Variants in MMP16 observed in about 807,000 individuals in gnomAD.
MMP16 encodes matrix metallopeptidase 16, also known as matrix metalloproteinase-16.
A neutral mutation model predicts 67.8 loss-of-function variants in MMP16; 12 were observed. That is an observed-to-expected ratio of 0.18 (90% CI 0.11 to 0.29). MMP16 has a LOEUF of 0.29. Ranked by LOEUF, MMP16 falls within the 10% of genes least tolerant of loss-of-function variation. The pLI is 1.00. For missense variants in MMP16, 475 were observed against 765.7 expected (o/e 0.62, Z 4.48); for synonymous variants, 249 against 255.9 (o/e 0.97, Z 0.26).
chr8:88,203,094 A>G (rs922123701), intron 1 of MMP16, among the ~76,000 whole-genome samples: 4 of 139,922 alleles, frequency 2.9e-5, no homozygotes, highest in Non-Finnish European at 6.0e-5. Context: ...GGTACAAAAT[A>G]CCAGAACTTC....
At chr8:88,148,810 G>A (rs1222047691) in intron 4 of MMP16, among the ~76,000 whole-genome samples, 5 of 152,104 alleles carry the variant, frequency 3.3e-5, no homozygotes, top group Non-Finnish European at 7.4e-5. Context: ...ATCTCTACAT[G>A]TTACTTGTTA....
intron 1 of MMP16, among the ~76,000 whole-genome samples, chr8:88,262,748 A>G (rs1810405979): frequency 6.7e-6 from 1 of 149,240 alleles, no homozygotes; most frequent in Non-Finnish European, 1.5e-5. Flanking sequence ...CAAGCCTGTA[A>G]TCCCAGCACT....
intron 4 of MMP16, among the ~76,000 whole-genome samples, chr8:88,155,352 C>T (rs1284353930): frequency 2.6e-5 from 4 of 151,916 alleles, no homozygotes; most frequent in Admixed American, 1.3e-4. Context: ...GTAAAAACAA[C>T]AGTTTTATTT....
intron 4 of MMP16, among the ~76,000 whole-genome samples, chr8:88,138,386 G>A (rs1050986738): frequency 4.0e-5 from 6 of 151,804 alleles, no homozygotes; most frequent in African/African-American, 9.7e-5. Context: ...TCTAATTTTC[G>A]TAGCCTCACA....
At chr8:88,199,278 A>C (rs1005245777) in intron 1 of MMP16, among the ~76,000 whole-genome samples, 16 of 152,100 alleles carry the variant, frequency 1.1e-4, no homozygotes, top group Admixed American at 4.6e-4. Flanking sequence ...CAGAATAAAA[A>C]ATACATATTT....
At chr8:88,207,836 G>A (rs1375735287) in intron 1 of MMP16, among the ~76,000 whole-genome samples, 1 of 152,126 alleles carries the variant, frequency 6.6e-6, no homozygotes, top group Admixed American at 6.5e-5. Flanking sequence ...TGTGGGTGCA[G>A]GATTACTCTA....
intron 1 of MMP16, among the ~76,000 whole-genome samples, chr8:88,322,665 T>C (rs1336415957): frequency 1.3e-5 from 2 of 150,064 alleles, no homozygotes; most frequent in Admixed American, 6.6e-5. Context: ...CTTGTCTCAA[T>C]GAAAATTAAA....
intron 3 of MMP16, among the ~76,000 whole-genome samples, chr8:88,185,815 A>G (rs1809063835): frequency 6.6e-6 from 1 of 152,116 alleles, no homozygotes; most frequent in Non-Finnish European, 1.5e-5. Flanking sequence ...TATAACAAGC[A>G]TTGTATTTAT....
rs958574617 is a variant in MMP16, at chr8:88,213,095, C to T, written c.133-15789G>A. On this transcript the variant is annotated intron_variant, in intron 1 of 9. Coordinates refer to ENST00000286614, the MANE Select transcript of MMP16 (RefSeq NM_005941.5). The stretch of plus-strand genomic sequence containing the variant: ...TATCTGACAAAATTTTAAAAGATGG[C>T]CTAAAACAATGCATGCTAAATGGAT... Among the ~76,000 whole-genome samples, 4 of 152,016 alleles carry T rather than the reference C, an allele frequency of 2.6e-5. No homozygotes were observed. The South Asian group carries it at 8.3e-4, about 32-fold the overall frequency.
chr8:88,288,109 T>G (rs1810862626), intron 1 of MMP16, among the ~76,000 whole-genome samples: 1 of 152,218 alleles, frequency 6.6e-6, no homozygotes, highest in South Asian at 2.1e-4. Flanking sequence ...CTCATTTACT[T>G]TAGACTCACA....
chr8:88,066,607 A>C (rs1207453218), intron 7 of MMP16, among the ~76,000 whole-genome samples: 1 of 151,928 alleles, frequency 6.6e-6, no homozygotes, highest in Non-Finnish European at 1.5e-5. Context: ...TTCAGTAAGA[A>C]AGCCCTGTGG....
chr8:88,233,940 C>T (rs1023269014), intron 1 of MMP16, among the ~76,000 whole-genome samples: 1 of 152,176 alleles, frequency 6.6e-6, no homozygotes, highest in Non-Finnish European at 1.5e-5. Flanking sequence ...AATGATAATT[C>T]TATTTTATAG....
chr8:88,222,951 C>A (rs368771761), intron 1 of MMP16, among the ~76,000 whole-genome samples: 2 of 152,054 alleles, frequency 1.3e-5, no homozygotes, highest in East Asian at 3.9e-4. Context: ...ACCCATCTGA[C>A]AAAGGGCTAA....
intron 1 of MMP16, among the ~76,000 whole-genome samples, chr8:88,268,048 T>TA (rs1460564702): frequency 1.3e-5 from 2 of 152,118 alleles, no homozygotes; most frequent in African/African-American, 2.4e-5. Flanking sequence ...AGATTTACCA[T>TA]AAAAAATTCC....
intron 4 of MMP16, among the ~76,000 whole-genome samples, chr8:88,146,053 T>C (rs931083869): frequency 1.3e-5 from 2 of 152,040 alleles, no homozygotes; most frequent in Non-Finnish European, 2.9e-5. Context: ...CTTTCCCATA[T>C]AGTTCTTTTG....
At chr8:88,043,034 AT>A (rs1273181954) in intron 9 of MMP16, among the ~76,000 whole-genome samples, 1 of 152,144 alleles carries the variant, frequency 6.6e-6, no homozygotes, top group East Asian at 1.9e-4. Flanking sequence ...TGAAGGTAAT[AT>A]TTTTTCCTGT....
chr8:88,049,256 C>T (rs930777263), intron 8 of MMP16, among the ~76,000 whole-genome samples: 7 of 152,258 alleles, frequency 4.6e-5, no homozygotes, highest in African/African-American at 1.7e-4. Context: ...TGTATCATGC[C>T]ACCAATTCTA....
chr8:88,079,487 C>T (rs1808710232), intron 6 of MMP16, among the ~76,000 whole-genome samples: 1 of 152,070 alleles, frequency 6.6e-6, no homozygotes, highest in Non-Finnish European at 1.5e-5. Context: ...CACTGGGGGT[C>T]CTGGAACATA....
At chr8:88,223,272 G>C (rs1809715314) in intron 1 of MMP16, among the ~76,000 whole-genome samples, 2 of 152,148 alleles carry the variant, frequency 1.3e-5, no homozygotes, top group African/African-American at 4.8e-5. Context: ...AACCATTGCG[G>C]AAGACAGTGT....
Sources: allele counts gnomAD v4.1 joint callset (sites outside exome capture counted in the v4.1 genomes callset), GRCh38; gene constraint gnomAD v4.1.1; transcripts MANE v1.5; gene names NCBI Gene and HGNC (gene_info 2026-07-23, HGNC 2026-07-21).